Variants in ZNF620 observed in about 807,000 individuals in gnomAD.
ZNF620 encodes the protein zinc finger protein 620.
A neutral mutation model predicts 13.3 loss-of-function variants in ZNF620; 10 were observed. That is an observed-to-expected ratio of 0.75 (90% CI 0.46 to 1.28). The LOEUF is 1.28. Ranked by LOEUF, ZNF620 falls within the 50% of genes most tolerant of loss-of-function variation. ZNF620 has a pLI of 0.00. For synonymous variants in ZNF620, 166 were observed against 177.6 expected (o/e 0.93, Z 0.52); for missense variants, 461 against 500.2 (o/e 0.92, Z 0.75).
chr3:40,507,158 C>T (rs1007056885), intron 2 of ZNF620, among the ~76,000 whole-genome samples: 1 of 133,938 alleles, frequency 7.5e-6, no homozygotes, highest in African/African-American at 2.8e-5. Flanking sequence ...GTGGCGCGAT[C>T]CTGGTTCACT....
Position 40,515,358 on chromosome 3 carries a change from T to C in ZNF620, c.266-502T>C, listed in dbSNP as rs529205342. Among the ~76,000 whole-genome samples the C allele has an allele frequency of 3.1e-4, 47 of 152,354 alleles. No homozygotes were observed. The South Asian group carries it at 9.1e-3, about 30-fold the overall frequency. On this transcript the variant is annotated intron_variant, in intron 4 of 4. Coordinates refer to ENST00000314529, the MANE Select transcript of ZNF620 (RefSeq NM_175888.4). ...GCTTGATGGTAGAGATCAGCTCTCTTTTCAAGGTTATGACATGCATGATGT... is the reference window on the plus strand; with the variant it reads ...GCTTGATGGTAGAGATCAGCTCTCTCTTCAAGGTTATGACATGCATGATGT...
chr3:40,518,362 T>G lies in ZNF620; in HGVS notation c.*1499T>G, dbSNP rs1216419290. ...AAATGAGGATGACAGTTAATCTACC[T>G]CATAGGTTTGTGTTGGGGATTAAAT... On this transcript the variant is annotated 3_prime_UTR_variant, in exon 5 of 5. Coordinates refer to ENST00000314529, the MANE Select transcript of ZNF620 (RefSeq NM_175888.4). The G allele has an allele frequency of 6.6e-6, 1 of 152,176 alleles. No individual in the cohort carries two copies. Among genetic ancestry groups the G allele is most frequent in the Non-Finnish European group, 1.5e-5 (1 of 68,024 alleles). The allele number at this position is 152,176 out of a possible 1,614,324, so 9.4% of individuals were successfully genotyped here.
rs1168285256 is a variant in ZNF620 at position 40,516,811 on chromosome 3, G to T, written c.1217G>T (p.Arg406Ile). Residue 406 changes from arginine (R) to isoleucine (I), a missense_variant, in exon 5 of 5, where the codon AGA becomes ATA. By Grantham distance (97) the Arg-to-Ile change is moderately conservative (BLOSUM62 -3). Transcript: ENST00000314529. ...VCGKTFSWCG[R>I]FILHQKLHTQ... Reference sequence around the variant, plus strand: ...GGTAAAACCTTCAGCTGGTGTGGAAGATTCATTCTGCATCAGAAACTACAC... The same window carrying T: ...GGTAAAACCTTCAGCTGGTGTGGAATATTCATTCTGCATCAGAAACTACAC... 6.2e-7 allele frequency: 1 copy of T among 1,613,680 alleles called. No homozygotes were observed. The highest frequency in any genetic ancestry group is 1.7e-5 in the Admixed American group (1 of 60,008).
intron 2 of ZNF620, chr3:40,508,717 T>C (rs1698107734): frequency 2.2e-6 from 1 of 455,888 alleles, no homozygotes; most frequent in East Asian, 7.0e-5. Flanking sequence ...CACTGCAGCC[T>C]CCACCTCCCA....
In ZNF620 at chr3:40,518,083, C is replaced by T. The variant is rs1244404299; in HGVS notation, c.*1220C>T. ...ATTGCTGTTTCAAGTGACCTCAAAG[C>T]AGGCAGCATTTTCTTGCAATTCCAT... is the stretch of plus-strand genomic sequence containing the variant. On this transcript the variant is annotated 3_prime_UTR_variant, in exon 5 of 5. Transcript: ENST00000314529. The T allele has an allele frequency of 6.6e-6, 1 of 152,240 alleles. No individual in the cohort carries two copies. Among genetic ancestry groups the T allele is most frequent in the Non-Finnish European group, 1.5e-5 (1 of 68,042 alleles). The allele number at this position is 152,240 out of a possible 1,614,324, so 9.4% of individuals were successfully genotyped here.
chr3:40,514,454 G>A (rs1698310041), intron 4 of ZNF620, among the ~76,000 whole-genome samples: 1 of 152,044 alleles, frequency 6.6e-6, no homozygotes, highest in Non-Finnish European at 1.5e-5. Flanking sequence ...GTGGTTCCCT[G>A]GGCCCAGCTG....
In ZNF620 at chr3:40,516,301, A is replaced by G; in HGVS notation, c.707A>G (p.Asn236Ser). ...CKECGKYFRY[N>S]SLLIRHQIIH... ...GAATGTGGAAAATACTTCAGATATA[A>G]CTCATTACTTATTCGGCATCAGATA... Residue 236 changes from asparagine (N) to serine (S), a missense_variant, in exon 5 of 5, where the codon AAC becomes AGC. By Grantham distance (46) the Asn-to-Ser change is conservative. Transcript: ENST00000314529. 6.2e-7 allele frequency: 1 copy of G among 1,614,204 alleles called. No individual in the cohort carries two copies.
chr3:40,510,987 G>T (rs568600826), intron 2 of ZNF620, among the ~76,000 whole-genome samples: 1 of 152,092 alleles, frequency 6.6e-6, no homozygotes, highest in African/African-American at 2.4e-5. Flanking sequence ...CAAGCCATCC[G>T]CCTGCCTTGG....
intron 2 of ZNF620, among the ~76,000 whole-genome samples, chr3:40,509,855 G>C (rs1182847624): frequency 6.6e-6 from 1 of 152,110 alleles, no homozygotes; most frequent in Non-Finnish European, 1.5e-5. Context: ...AGTAGCTTAG[G>C]GAATTATAGG....
chr3:40,514,833 A>G (rs916525969), intron 4 of ZNF620, among the ~76,000 whole-genome samples: 5 of 152,194 alleles, frequency 3.3e-5, no homozygotes, highest in African/African-American at 1.2e-4. Context: ...TGCTTCACCC[A>G]TTCTCTGCCT....
At chr3:40,506,504 G>A in intron 2 of ZNF620, 128 bp downstream of exon 2, 3 of 1,114,128 alleles carry the variant, frequency 2.7e-6, no homozygotes, top group South Asian at 2.7e-5. Context: ...CTATGAGAGG[G>A]ATGGAGAGGT....
At chr3:40,513,319 ATATATATATATATATATATATAT>A (rs1698266238) in intron 4 of ZNF620, among the ~76,000 whole-genome samples, 3 of 94,958 alleles carry the variant, frequency 3.2e-5, no homozygotes, top group South Asian at 3.2e-4. Flanking sequence ...AAAAAAAAAT[ATATATATATATATATATATATAT>A]ATATATATAT....
chr3:40,508,084 TTC>T (rs1369727268), intron 2 of ZNF620, among the ~76,000 whole-genome samples: 1 of 152,336 alleles, frequency 6.6e-6, no homozygotes, highest in East Asian at 1.9e-4. Context: ...GATTTGTGTA[TTC>T]TCTCTTTTTT....
chr3:40,509,559 A>G (rs1698134407), intron 2 of ZNF620, among the ~76,000 whole-genome samples: 1 of 152,000 alleles, frequency 6.6e-6, no homozygotes, highest in African/African-American at 2.4e-5. Flanking sequence ...CCATAGGATT[A>G]ATGGTGTGTA....
rs762958426 is a variant in ZNF620 at position 40,515,819 on chromosome 3, T to TGTGTGA, written c.266-40_266-39insTGTGAG. 97 of 652,036 alleles carry TGTGTGA rather than the reference T, an allele frequency of 1.5e-4. 1 individual carries two copies. In the African/African-American group the frequency reaches 1.8e-3, roughly 12 times the overall value. The allele number at this position is 652,036 out of a possible 1,614,324, so 40.4% of individuals were successfully genotyped here. A position where few individuals can be genotyped will look rare whatever the true frequency, so the allele number is the denominator to read the frequency against. The stretch of plus-strand genomic sequence containing the variant: ...GTGTGTGTGTGTGTGTGTGTGTGTG[T>TGTGTGA]GATATCAGGGACTGACATTTGTATT... On this transcript the variant is annotated intron_variant, in intron 4 of 4. Transcript: ENST00000314529.
In ZNF620 at chr3:40,506,393, T is replaced by TTGCCCC; in HGVS notation, c.24+17_24+18insTGCCCC. ...TGGCGCCAGGTGAGTGAGCATCCTC[T>TTGCCCC]CCCTCCCTCCCACCCTTTAGATGTC... On this transcript the variant is annotated intron_variant, in intron 2 of 4. Coordinates refer to ENST00000314529, the MANE Select transcript of ZNF620 (RefSeq NM_175888.4). 6 of 1,555,974 alleles carry TTGCCCC rather than the reference T, an allele frequency of 3.9e-6. No individual in the cohort carries two copies. Among genetic ancestry groups the TTGCCCC allele is most frequent in the Admixed American group, 1.7e-5 (1 of 59,218 alleles).
In ZNF620 at chr3:40,516,487, A is replaced by G. The variant is rs750969441; in HGVS notation, c.893A>G (p.His298Arg). ...AGTAGCAGCTCTGTCTTCCTCCAGC[A>G]CCAGAGGTTCCACACTGGGGAGAAG... ...AFSSSSVFLQ[H>R]QRFHTGEKLY... Residue 298 changes from histidine to arginine, a missense_variant, in exon 5 of 5, where the codon CAC becomes CGC. By Grantham distance (29) the His-to-Arg change is conservative. Coordinates refer to ENST00000314529, the MANE Select transcript of ZNF620 (RefSeq NM_175888.4). 1 of 1,614,120 alleles carries G rather than the reference A, an allele frequency of 6.2e-7. No individual in the cohort carries two copies. The highest frequency in any genetic ancestry group is 8.5e-7 in the Non-Finnish European group (1 of 1,179,940).
intron 2 of ZNF620, among the ~76,000 whole-genome samples, chr3:40,510,050 T>C (rs1015903246): frequency 2.6e-5 from 4 of 151,484 alleles, no homozygotes; most frequent in Non-Finnish European, 5.9e-5. Flanking sequence ...TTTGAGACAG[T>C]CCCACTGTCA....
chr3:40,506,271 A>T, intron 1 of ZNF620, 33 bp from the exon 2 acceptor site: 1 of 1,574,932 alleles, frequency 6.3e-7, no homozygotes, highest in Admixed American at 1.7e-5. Flanking sequence ...AGGCAGCATC[A>T]ATCTCACCGG....
Sources: gnomAD v4.1 joint callset for allele counts (sites outside exome capture counted in the v4.1 genomes callset) on GRCh38, gnomAD v4.1.1 for gene constraint, MANE v1.5 for transcripts, NCBI Gene and HGNC (gene_info 2026-07-23, HGNC 2026-07-21) for gene names.